The following RBFOX1 variants were observed in gnomAD, a reference collection of about 807,000 sequenced individuals.
RBFOX1 encodes RNA binding fox-1 homolog 1.
RBFOX1 carries 8 observed loss-of-function variants against 57.7 expected under a neutral mutation model. That is an observed-to-expected ratio of 0.14 (90% CI 0.08 to 0.25). The LOEUF is 0.25. Among genes scored for constraint, RBFOX1 ranks in the 10% least tolerant of loss-of-function variants. The pLI is 1.00. For synonymous variants in RBFOX1, 326 were observed against 222.4 expected, an observed-to-expected ratio of 1.47 and a Z score of -4.15; for missense variants, 611 against 548.5, an observed-to-expected ratio of 1.11 and a Z score of -1.14.
intron 1 of RBFOX1, among the ~76,000 whole-genome samples, chr16:6,070,290 G>C (rs868161396): frequency 3.9e-5 from 6 of 152,216 alleles, no homozygotes; most frequent in African/African-American, 1.4e-4. Flanking sequence ...TTTCAGGGAA[G>C]ACGTCATGGG....
intron 2 of RBFOX1, among the ~76,000 whole-genome samples, chr16:6,514,081 G>A (rs907363541): frequency 4.6e-5 from 7 of 152,164 alleles, no homozygotes; most frequent in South Asian, 2.1e-4. Context: ...GCCATTGGTC[G>A]TCAAGAATGA....
At chr16:6,566,507 T>C (rs1428806910) in intron 2 of RBFOX1, among the ~76,000 whole-genome samples, 4 of 152,250 alleles carry the variant, frequency 2.6e-5, no homozygotes, top group African/African-American at 9.6e-5. Context: ...GTCATTAATG[T>C]GTAATGAATA....
At chr16:6,862,916 C>T (rs2059267577) in intron 3 of RBFOX1, among the ~76,000 whole-genome samples, 1 of 151,190 alleles carries the variant, frequency 6.6e-6, no homozygotes, top group Non-Finnish European at 1.5e-5. Flanking sequence ...ACCCAGGAGG[C>T]AGAGGTTGCA....
chr16:6,430,520 G>A lies in RBFOX1; in HGVS notation c.-64+113463G>A, dbSNP rs903283071. Among the ~76,000 whole-genome samples the A allele has an allele frequency of 1.5e-4, 23 of 152,260 alleles. 1 individual carries two copies. The Middle Eastern group carries it at 0.014, about 90-fold the overall frequency. On this transcript the variant is annotated intron_variant, in intron 2 of 15. Coordinates refer to ENST00000550418, the MANE Select transcript of RBFOX1 (RefSeq NM_018723.4). ...TGGAGTTGAATTAGGAGAGAAGTGCGAAGACATGACGGATGGATGGAATGA... is the reference window on the plus strand; with the variant it reads ...TGGAGTTGAATTAGGAGAGAAGTGCAAAGACATGACGGATGGATGGAATGA...
chr16:6,400,715 C>A (rs568934378), intron 2 of RBFOX1, among the ~76,000 whole-genome samples: 3 of 152,164 alleles, frequency 2.0e-5, no homozygotes, highest in African/African-American at 7.2e-5. Flanking sequence ...CTGGCCAACA[C>A]GGTGAAACCC....
rs185409285 is a variant in RBFOX1 at position 6,444,819 on chromosome 16, G to C, written c.-64+127762G>C. Reference sequence around the variant, plus strand: ...CTTTTGTTAGTGGGTAAAATGCAGAGATGACCTTCTGAAGGGCTGGGGCTT... The same window carrying C: ...CTTTTGTTAGTGGGTAAAATGCAGACATGACCTTCTGAAGGGCTGGGGCTT... On this transcript the variant is annotated intron_variant, in intron 2 of 15. Coordinates refer to ENST00000550418, the MANE Select transcript of RBFOX1 (RefSeq NM_018723.4). Among the ~76,000 whole-genome samples, 3 of 152,298 alleles carry C rather than the reference G, an allele frequency of 2.0e-5. No individual in the cohort carries two copies. The East Asian group carries it at 5.8e-4, about 29-fold the overall frequency.
intron 5 of RBFOX1, among the ~76,000 whole-genome samples, chr16:7,540,900 C>G (rs1317935161): frequency 1.3e-5 from 2 of 152,158 alleles, no homozygotes; most frequent in Non-Finnish European, 2.9e-5. Context: ...TGGATTCATC[C>G]CAACACCATT....
intron 1 of RBFOX1, among the ~76,000 whole-genome samples, chr16:6,071,885 G>C (rs548213381): frequency 2.0e-5 from 3 of 152,252 alleles, no homozygotes; most frequent in Admixed American, 6.5e-5. Flanking sequence ...TGTCCTCCAG[G>C]TTCATAAATG....
intron 1 of RBFOX1, among the ~76,000 whole-genome samples, chr16:6,256,352 G>A (rs1383320174): frequency 6.8e-6 from 1 of 147,338 alleles, no homozygotes; most frequent in East Asian, 2.0e-4. Flanking sequence ...GATGGTCCAA[G>A]AAGGGGAAGA....
intron 2 of RBFOX1, among the ~76,000 whole-genome samples, chr16:6,594,911 C>G (rs1226083748): frequency 6.6e-6 from 1 of 152,128 alleles, no homozygotes; most frequent in African/African-American, 2.4e-5. Context: ...GGCTCAGCGT[C>G]TGGAGTAGCT....
chr16:6,221,902 A>T (rs1454797679), intron 1 of RBFOX1, among the ~76,000 whole-genome samples: 1 of 152,174 alleles, frequency 6.6e-6, no homozygotes, highest in African/African-American at 2.4e-5. Flanking sequence ...TCAAGATGAA[A>T]TTTGGGTGGG....
intron 4 of RBFOX1, among the ~76,000 whole-genome samples, chr16:7,382,575 C>T (rs1479815822): frequency 6.6e-6 from 1 of 152,120 alleles, no homozygotes; most frequent in East Asian, 1.9e-4. Context: ...TGCTGTAAGC[C>T]AGTGAAGATA....
chr16:6,815,598 T>G (rs944245371), intron 3 of RBFOX1, among the ~76,000 whole-genome samples: 1 of 152,182 alleles, frequency 6.6e-6, no homozygotes, highest in Admixed American at 6.5e-5. Flanking sequence ...TTAATCTCAT[T>G]TTACCAATGA....
At chr16:7,451,082 G>A (rs1384497059) in intron 4 of RBFOX1, among the ~76,000 whole-genome samples, 1 of 152,146 alleles carries the variant, frequency 6.6e-6, no homozygotes, top group Non-Finnish European at 1.5e-5. Flanking sequence ...AGACTGGCAT[G>A]CCAGGTAGGG....
chr16:6,714,878 C>T (rs772565084), intron 3 of RBFOX1, among the ~76,000 whole-genome samples: 2 of 152,076 alleles, frequency 1.3e-5, no homozygotes, highest in Non-Finnish European at 2.9e-5. Flanking sequence ...AGAAAAAAGT[C>T]TCTAGAAGGC....
chr16:5,433,176 C>G lies in RBFOX1; in HGVS notation c.220-34040C>G, dbSNP rs79426649. 9.5e-3 allele frequency among the ~76,000 whole-genome samples: 1,442 copies of G among 152,296 alleles called. 20 individuals carry two copies. Among genetic ancestry groups the G allele is most frequent in the African/African-American group, 0.033 (1,392 of 41,562 alleles). ...GGGATTACACGTGTGAGCCGCTGTG[C>G]GTGGCTGAGGCCCATGTTTTTCTTT... On this transcript the variant is annotated intron_variant, in intron 1 of 2. Transcript: ENST00000585867.
At chr16:6,672,354 G>C (rs892245828) in intron 3 of RBFOX1, among the ~76,000 whole-genome samples, 8 of 151,252 alleles carry the variant, frequency 5.3e-5, no homozygotes, top group Non-Finnish European at 7.4e-5. Flanking sequence ...AGGGAGGAGA[G>C]TGAGAGAGAG....
intron 2 of RBFOX1, among the ~76,000 whole-genome samples, chr16:6,524,291 C>T (rs770954735): frequency 5.3e-5 from 8 of 152,168 alleles, no homozygotes; most frequent in Non-Finnish European, 7.3e-5. Context: ...CAATGATCTC[C>T]AGTTCATTCT....
chr16:7,407,115 A>G (rs961958346), intron 4 of RBFOX1, among the ~76,000 whole-genome samples: 3 of 152,120 alleles, frequency 2.0e-5, no homozygotes, highest in Admixed American at 2.0e-4. Context: ...ATTTGGTTAC[A>G]TGAGTCACCT....
Sources: gnomAD v4.1 joint callset for allele counts (sites outside exome capture counted in the v4.1 genomes callset) on GRCh38, gnomAD v4.1.1 for gene constraint, MANE v1.5 for transcripts, NCBI Gene and HGNC (gene_info 2026-07-23, HGNC 2026-07-21) for gene names.